The following JPH3 variants were observed in gnomAD, a reference collection of about 807,000 sequenced individuals.
JPH3 encodes junctophilin 3.
In JPH3, 11 loss-of-function variants were observed where a neutral mutation model predicts 59.6. The observed-to-expected ratio is 0.18, with a 90% CI of 0.12 to 0.31. The LOEUF is 0.31. Ranked by LOEUF, JPH3 falls within the 10% of genes least tolerant of loss-of-function variation. The pLI is 1.00. For synonymous variants in JPH3, 673 were observed against 483.6 expected (o/e 1.39, Z -5.14); for missense variants, 1,202 against 1,105.7 (o/e 1.09, Z -1.24).
chr16:87,630,652 C>T (rs778333321), intron 1 of JPH3, among the ~76,000 whole-genome samples: 1 of 152,168 alleles, frequency 6.6e-6, no homozygotes, highest in Non-Finnish European at 1.5e-5. Flanking sequence ...CTATTATGTG[C>T]CCATAGTTTA....
At chr16:87,683,675 C>T (rs929897410) in intron 2 of JPH3, among the ~76,000 whole-genome samples, 3 of 151,666 alleles carry the variant, frequency 2.0e-5, no homozygotes, top group Non-Finnish European at 4.4e-5. Context: ...GACGCGATCT[C>T]AGCTCACTGC....
intron 2 of JPH3, among the ~76,000 whole-genome samples, chr16:87,652,061 G>A (rs899726351): frequency 5.3e-5 from 8 of 150,326 alleles, no homozygotes; most frequent in Admixed American, 3.3e-4. Context: ...TGCAAGCTCC[G>A]CCTCCCAGGT....
At chr16:87,640,508 A>G (rs933396684) in intron 1 of JPH3, among the ~76,000 whole-genome samples, 1 of 151,542 alleles carries the variant, frequency 6.6e-6, no homozygotes, top group African/African-American at 2.4e-5. Context: ...CTCCTGCCTC[A>G]GCCTCTTGAG....
chr16:87,635,530 C>T (rs1444150799), intron 1 of JPH3, among the ~76,000 whole-genome samples: 2 of 152,194 alleles, frequency 1.3e-5, no homozygotes, highest in African/African-American at 4.8e-5. Flanking sequence ...CCAAGCAGGC[C>T]AGGCGCTGAG....
At chr16:87,641,429 G>A (rs1211639520) in intron 1 of JPH3, among the ~76,000 whole-genome samples, 3 of 152,160 alleles carry the variant, frequency 2.0e-5, no homozygotes, top group Non-Finnish European at 2.9e-5. Flanking sequence ...AGCAGCTTTG[G>A]GGGTACAGAA....
intron 2 of JPH3, among the ~76,000 whole-genome samples, chr16:87,672,680 G>A (rs1407608545): frequency 6.6e-6 from 1 of 152,276 alleles, no homozygotes; most frequent in Non-Finnish European, 1.5e-5. Flanking sequence ...TAGACCACCA[G>A]AGCAGGGTGT....
At chr16:87,674,257 C>A (rs1458547039) in intron 2 of JPH3, among the ~76,000 whole-genome samples, 1 of 152,114 alleles carries the variant, frequency 6.6e-6, no homozygotes, top group Non-Finnish European at 1.5e-5. Flanking sequence ...TGGCGTGAAC[C>A]CGGGAGGTGG....
At chr16:87,633,482 C>CAA (rs60063813) in intron 1 of JPH3, among the ~76,000 whole-genome samples, 7,365 of 144,106 alleles carry the variant, frequency 0.051, 520 homozygotes, top group African/African-American at 0.16. Flanking sequence ...TAAGATTAAC[C>CAA]AAAAAAAAAA....
intron 1 of JPH3, among the ~76,000 whole-genome samples, chr16:87,620,151 G>T (rs1425320356): frequency 6.6e-6 from 1 of 152,080 alleles, no homozygotes; most frequent in Non-Finnish European, 1.5e-5. Flanking sequence ...TGGGCTCTGG[G>T]GTCCCTCAGG....
chr16:87,631,571 G>A (rs919588908), intron 1 of JPH3, among the ~76,000 whole-genome samples: 10 of 152,148 alleles, frequency 6.6e-5, no homozygotes, highest in African/African-American at 2.4e-4. Flanking sequence ...ATCTTGGTTG[G>A]GTGTCTCTCC....
At chr16:87,670,224 G>A (rs1272738066) in intron 2 of JPH3, among the ~76,000 whole-genome samples, 2 of 152,180 alleles carry the variant, frequency 1.3e-5, no homozygotes, top group Non-Finnish European at 1.5e-5. Flanking sequence ...TCTGTGGGGA[G>A]TCAGCCGCAG....
At chr16:87,687,891 G>A (rs1396771591) in intron 3 of JPH3, among the ~76,000 whole-genome samples, 2 of 152,142 alleles carry the variant, frequency 1.3e-5, no homozygotes, top group Non-Finnish European at 2.9e-5. Flanking sequence ...GGTCCATAGC[G>A]TCTAAGGCAC....
At chr16:87,627,689 G>T (rs1437298706) in intron 1 of JPH3, among the ~76,000 whole-genome samples, 1 of 152,206 alleles carries the variant, frequency 6.6e-6, no homozygotes, top group African/African-American at 2.4e-5. Context: ...ACAGTATGGG[G>T]AAGGTGAGGC....
chr16:87,686,998 C>T (rs1357890593), intron 3 of JPH3, among the ~76,000 whole-genome samples: 2 of 152,192 alleles, frequency 1.3e-5, no homozygotes, highest in African/African-American at 4.8e-5. Flanking sequence ...TGGGTGGCGC[C>T]CCGGAGCCTT....
At chr16:87,660,172 A>AG (rs1379702594) in intron 2 of JPH3, among the ~76,000 whole-genome samples, 1 of 152,212 alleles carries the variant, frequency 6.6e-6, no homozygotes, top group Non-Finnish European at 1.5e-5. Flanking sequence ...GGCAGTGCAC[A>AG]GGGACTAGCT....
At chr16:87,668,905 G>A (rs1272962572) in intron 2 of JPH3, among the ~76,000 whole-genome samples, 1 of 134,822 alleles carries the variant, frequency 7.4e-6, no homozygotes, top group Non-Finnish European at 1.8e-5. Flanking sequence ...CCCGGAGGCC[G>A]TGCTCCGTGG....
chr16:87,669,654 G>A (rs2032964206), intron 2 of JPH3, among the ~76,000 whole-genome samples: 1 of 152,224 alleles, frequency 6.6e-6, no homozygotes, highest in African/African-American at 2.4e-5. Flanking sequence ...GGCCTGGCGT[G>A]TGGGGTGGAG....
At chr16:87,656,563 T>G (rs1283078315) in intron 2 of JPH3, among the ~76,000 whole-genome samples, 2 of 152,118 alleles carry the variant, frequency 1.3e-5, no homozygotes, top group Non-Finnish European at 2.9e-5. Context: ...TCTTGCAGTG[T>G]TTGGGGGCAA....
chr16:87,620,371 CG>C (rs1354530724), intron 1 of JPH3, among the ~76,000 whole-genome samples: 1 of 67,782 alleles, frequency 1.5e-5, no homozygotes, highest in East Asian at 3.6e-4. Flanking sequence ...AGAGCGGGGA[CG>C]GGGGGCAAAG....
Sources: allele counts gnomAD v4.1 joint callset (sites outside exome capture counted in the v4.1 genomes callset), GRCh38; gene constraint gnomAD v4.1.1; transcripts MANE v1.5; gene names NCBI Gene and HGNC (gene_info 2026-07-23, HGNC 2026-07-21).